Variants in PARD3 observed in about 807,000 individuals in gnomAD.
PARD3 encodes the protein par-3 family cell polarity regulator, also known as partitioning defective 3 homolog.
In PARD3, 75 loss-of-function variants were observed where a neutral mutation model predicts 155.4. The observed-to-expected ratio is 0.48, with a 90% CI of 0.40 to 0.58. The LOEUF is 0.58. PARD3 is among the 20% of genes least tolerant of loss of function. PARD3 has a pLI of 0.00. For synonymous variants in PARD3, 576 were observed against 610.5 expected, an observed-to-expected ratio of 0.94 and a Z score of 0.83; for missense variants, 1,642 against 1,721.7, an observed-to-expected ratio of 0.95 and a Z score of 0.82.
chr10:34,137,482 C>T (rs928035), intron 22 of PARD3, among the ~76,000 whole-genome samples: 35,214 of 152,180 alleles, frequency 0.23, 4,986 homozygotes, highest in Non-Finnish European at 0.3. Flanking sequence ...TGCTGGAACT[C>T]CAGGCCCACA....
intron 2 of PARD3, among the ~76,000 whole-genome samples, chr10:34,522,048 A>T (rs576391307): frequency 6.6e-6 from 1 of 152,334 alleles, no homozygotes; most frequent in South Asian, 2.1e-4. Flanking sequence ...AAACTCCTGG[A>T]ACCAGTGAAT....
intron 2 of PARD3, among the ~76,000 whole-genome samples, chr10:34,595,547 T>G (rs959142600): frequency 6.6e-6 from 1 of 152,180 alleles, no homozygotes; most frequent in African/African-American, 2.4e-5. Flanking sequence ...CCAGTGACAC[T>G]CTACATGCCA....
intron 1 of PARD3, among the ~76,000 whole-genome samples, chr10:34,769,279 C>A (rs566252147): frequency 6.6e-6 from 1 of 152,318 alleles, no homozygotes; most frequent in South Asian, 2.1e-4. Flanking sequence ...TACCAACACC[C>A]TGACCGAATC....
At chr10:34,655,234 G>A (rs2093133276) in intron 2 of PARD3, among the ~76,000 whole-genome samples, 1 of 152,006 alleles carries the variant, frequency 6.6e-6, no homozygotes, top group Non-Finnish European at 1.5e-5. Context: ...TCATTACAAA[G>A]TGGAGTTCGA....
intron 22 of PARD3, among the ~76,000 whole-genome samples, chr10:34,146,719 G>A (rs756888368): frequency 8.5e-5 from 13 of 152,166 alleles, no homozygotes; most frequent in Non-Finnish European, 1.8e-4. Context: ...TCCTGCTAAA[G>A]AGTGACCAGC....
intron 2 of PARD3, among the ~76,000 whole-genome samples, chr10:34,588,092 G>C (rs1306718386): frequency 6.6e-6 from 1 of 152,188 alleles, no homozygotes; most frequent in Non-Finnish European, 1.5e-5. Flanking sequence ...GTTCATATGA[G>C]GGAAATGCCA....
At chr10:34,506,177 G>A (rs1196720058) in intron 3 of PARD3, among the ~76,000 whole-genome samples, 1 of 152,068 alleles carries the variant, frequency 6.6e-6, no homozygotes, top group Non-Finnish European at 1.5e-5. Context: ...ATAACAGATA[G>A]GAACTGCAAA....
In PARD3 at chr10:34,341,702, G is replaced by A. The variant is rs1836849151; in HGVS notation, c.2333C>T (p.Ser778Phe). The A allele has an allele frequency of 1.9e-6, 3 of 1,614,004 alleles. No homozygotes were observed. Among genetic ancestry groups the A allele is most frequent in the Non-Finnish European group, 2.5e-6 (3 of 1,179,948 alleles). ...PHLSDQSSSS[S>F]HDDVGFVTAD... ...CGTCACAAACCCCACATCATCATGGGAGCTGGAAGAGGACTGGTCAGAGAG... is the reference window on the plus strand; with the variant it reads ...CGTCACAAACCCCACATCATCATGGAAGCTGGAAGAGGACTGGTCAGAGAG... Residue 778 changes from serine (S) to phenylalanine (F), a missense_variant, in exon 16 of 25, where the codon TCC (serine) becomes TTC (phenylalanine). Transcript: ENST00000374788.
At chr10:34,695,681 C>T (rs1278933145) in intron 2 of PARD3, among the ~76,000 whole-genome samples, 1 of 152,052 alleles carries the variant, frequency 6.6e-6, no homozygotes, top group Admixed American at 6.6e-5. Context: ...ACTCACAGAC[C>T]ACAGTAAAGA....
chr10:34,806,992 G>T (rs775592136), intron 1 of PARD3, among the ~76,000 whole-genome samples: 1 of 152,202 alleles, frequency 6.6e-6, no homozygotes, highest in Admixed American at 6.5e-5. Flanking sequence ...TGCTGGAAAG[G>T]CTGGTCCATT....
Position 34,534,281 on chromosome 10 carries a change from C to T in PARD3, c.223-17122G>A, listed in dbSNP as rs571481404. Among the ~76,000 whole-genome samples, 171 of 151,236 alleles carry T rather than the reference C, an allele frequency of 1.1e-3. 1 individual carries two copies. In the Middle Eastern group the frequency reaches 0.014, roughly 12 times the overall value. ...ACTCCATCTCAAAAAAAAAAAAAGA[C>T]CCAGAAGGAATGTGAATGCTGTGGA... On this transcript the variant is annotated intron_variant, in intron 2 of 24. Transcript: ENST00000374788.
At chr10:34,324,931 T>A (rs2134185436) in intron 19 of PARD3, among the ~76,000 whole-genome samples, 1 of 152,274 alleles carries the variant, frequency 6.6e-6, no homozygotes, top group South Asian at 2.1e-4. Flanking sequence ...CCCATCTCAA[T>A]AAGCCACCCT....
intron 22 of PARD3, among the ~76,000 whole-genome samples, chr10:34,159,828 G>A (rs982833052): frequency 1.3e-5 from 2 of 152,160 alleles, no homozygotes; most frequent in Non-Finnish European, 2.9e-5. Flanking sequence ...TAAGTAACTT[G>A]CCCAAGATCA....
chr10:34,709,038 G>A (rs1168053241), intron 1 of PARD3, among the ~76,000 whole-genome samples: 2 of 152,068 alleles, frequency 1.3e-5, no homozygotes, highest in Non-Finnish European at 2.9e-5. Context: ...ATGTGCACAT[G>A]TACATATACA....
At chr10:34,364,210 C>T (rs925491397) in intron 12 of PARD3, among the ~76,000 whole-genome samples, 10 of 151,958 alleles carry the variant, frequency 6.6e-5, no homozygotes, top group Admixed American at 5.9e-4. Flanking sequence ...ATCTCTGAGC[C>T]GCAACAAACG....
chr10:34,302,321 G>A (rs1156971381), intron 20 of PARD3, among the ~76,000 whole-genome samples: 1 of 152,166 alleles, frequency 6.6e-6, no homozygotes, highest in Non-Finnish European at 1.5e-5. Flanking sequence ...TACCCACAAA[G>A]TACTTACTTT....
At chr10:34,196,065 A>T (rs1245892573) in intron 22 of PARD3, among the ~76,000 whole-genome samples, 1 of 152,234 alleles carries the variant, frequency 6.6e-6, no homozygotes, top group Admixed American at 6.5e-5. Flanking sequence ...ACCCTTTCTT[A>T]GCCCAATTAT....
chr10:34,466,292 A>C (rs1422938331), intron 4 of PARD3, among the ~76,000 whole-genome samples: 2 of 152,108 alleles, frequency 1.3e-5, no homozygotes, highest in African/African-American at 4.8e-5. Flanking sequence ...TATCATCATC[A>C]TCTGTACACT....
chr10:34,266,344 T>A (rs1955306025), intron 22 of PARD3, among the ~76,000 whole-genome samples: 3 of 152,190 alleles, frequency 2.0e-5, no homozygotes, highest in South Asian at 4.1e-4. Context: ...CAAATTCACA[T>A]CCTGTTAAAG....
Sources: allele counts gnomAD v4.1 joint callset (sites outside exome capture counted in the v4.1 genomes callset), GRCh38; gene constraint gnomAD v4.1.1; transcripts MANE v1.5; gene names NCBI Gene and HGNC (gene_info 2026-07-23, HGNC 2026-07-21).